Variants in PRELID2 observed in about 807,000 individuals in gnomAD.
The protein encoded by PRELID2 is PRELI domain-containing protein 2.
Under a neutral mutation model 28.4 loss-of-function variants are expected in PRELID2, and 25 were observed. The ratio of observed to expected loss-of-function variants is 0.88; its 90% CI spans 0.64 to 1.23. The LOEUF (loss-of-function observed/expected upper bound fraction) is 1.23. Ranked by LOEUF, PRELID2 falls within the 50% of genes most tolerant of loss-of-function variation. PRELID2 has a pLI of 0.00. For synonymous variants in PRELID2, 76 were observed against 71.6 expected, an observed-to-expected ratio of 1.06 and a Z score of -0.31; for missense variants, 201 against 214.4, an observed-to-expected ratio of 0.94 and a Z score of 0.39.
intron 5 of PRELID2, among the ~76,000 whole-genome samples, chr5:145,783,004 A>G (rs1025387218): frequency 2.6e-5 from 4 of 152,234 alleles, no homozygotes; most frequent in Non-Finnish European, 5.9e-5. Context: ...ACAGGGCCAG[A>G]GCCCAGGTCT....
the PRELID2 span, among the ~76,000 whole-genome samples, chr5:145,355,703 G>C: frequency 6.6e-6 from 1 of 152,080 alleles, no homozygotes; most frequent in Non-Finnish European, 1.5e-5. Flanking sequence ...CATGAGCTTT[G>C]GAGTCTGGCA....
chr5:145,487,372 A>C (rs1752227686), intron 1 of PRELID2, among the ~76,000 whole-genome samples: 1 of 152,176 alleles, frequency 6.6e-6, no homozygotes, highest in Non-Finnish European at 1.5e-5. Flanking sequence ...AAAGTTGTAA[A>C]GGTGGAAACT....
chr5:145,377,325 G>C, the PRELID2 span, among the ~76,000 whole-genome samples: 1 of 152,102 alleles, frequency 6.6e-6, no homozygotes, highest in African/African-American at 2.4e-5. Flanking sequence ...ATCAGTTTTA[G>C]AGTATGTGCA....
intron 1 of PRELID2, among the ~76,000 whole-genome samples, chr5:145,568,703 T>A (rs28715852): frequency 0.086 from 13,073 of 152,286 alleles, 1,446 homozygotes; most frequent in African/African-American, 0.26. Flanking sequence ...GCCTCATAAA[T>A]AATGATGAAA....
the PRELID2 span, among the ~76,000 whole-genome samples, chr5:145,287,488 G>A: frequency 1.3e-5 from 2 of 152,056 alleles, no homozygotes; most frequent in Admixed American, 1.3e-4. Flanking sequence ...ACACTACACA[G>A]AATGATATGC....
At chr5:145,615,774 G>A (rs1753690303) in intron 1 of PRELID2, among the ~76,000 whole-genome samples, 1 of 152,186 alleles carries the variant, frequency 6.6e-6, no homozygotes, top group Admixed American at 6.5e-5. Context: ...GCTATTTGCT[G>A]TCTGTGTACA....
At chr5:145,373,712 A>T in the PRELID2 span, among the ~76,000 whole-genome samples, 2 of 55,952 alleles carry the variant, frequency 3.6e-5, no homozygotes, top group Admixed American at 2.8e-4. Flanking sequence ...CAACATATAT[A>T]ATATATATGA....
the PRELID2 span, among the ~76,000 whole-genome samples, chr5:145,460,894 T>A: frequency 6.6e-6 from 1 of 152,232 alleles, no homozygotes; most frequent in African/African-American, 2.4e-5. Flanking sequence ...AAAGATGTTT[T>A]ATATGAAACT....
chr5:145,287,964 T>C, the PRELID2 span, among the ~76,000 whole-genome samples: 1 of 152,164 alleles, frequency 6.6e-6, no homozygotes, highest in Non-Finnish European at 1.5e-5. Context: ...TGAGATTTCT[T>C]TGAGTTTATG....
At chr5:145,308,279 A>G in the PRELID2 span, among the ~76,000 whole-genome samples, 2 of 152,196 alleles carry the variant, frequency 1.3e-5, no homozygotes, top group Non-Finnish European at 2.9e-5. Flanking sequence ...TAATGCTAAC[A>G]AACGTATTTC....
chr5:145,667,665 T>A (rs1287557460), intron 1 of PRELID2, among the ~76,000 whole-genome samples: 1 of 152,028 alleles, frequency 6.6e-6, no homozygotes, highest in African/African-American at 2.4e-5. Context: ...GTAAGACAGG[T>A]CTAGGATCAA....
chr5:145,661,193 A>G (rs1754486195), intron 1 of PRELID2, among the ~76,000 whole-genome samples: 1 of 152,178 alleles, frequency 6.6e-6, no homozygotes, highest in South Asian at 2.1e-4. Flanking sequence ...ACTCTAGAAT[A>G]GTGATTTCCA....
chr5:145,257,253 A>G, the PRELID2 span, among the ~76,000 whole-genome samples: 1 of 150,284 alleles, frequency 6.7e-6, no homozygotes, highest in Non-Finnish European at 1.5e-5. Flanking sequence ...AGCAGTAACT[A>G]TATAATACAT....
chr5:145,628,788 G>C (rs1299038221), intron 1 of PRELID2, among the ~76,000 whole-genome samples: 1 of 152,130 alleles, frequency 6.6e-6, no homozygotes, highest in Non-Finnish European at 1.5e-5. Flanking sequence ...AGAGAACCAT[G>C]ATATAAATCC....
the PRELID2 span, among the ~76,000 whole-genome samples, chr5:145,459,082 T>C: frequency 2.0e-5 from 3 of 152,312 alleles, no homozygotes; most frequent in Admixed American, 1.3e-4. Context: ...TGTGCTATTA[T>C]GTGATTCCGA....
intron 5 of PRELID2, among the ~76,000 whole-genome samples, chr5:145,768,779 C>T (rs1437142557): frequency 1.3e-5 from 2 of 152,124 alleles, no homozygotes; most frequent in African/African-American, 4.8e-5. Flanking sequence ...AATTGAAAGA[C>T]GTTATTTATT....
At chr5:145,263,427 C>A in the PRELID2 span, among the ~76,000 whole-genome samples, 218 of 151,810 alleles carry the variant, frequency 1.4e-3, 4 homozygotes, top group East Asian at 0.031. Flanking sequence ...ATAGACCATA[C>A]GCTAGGTCAT....
the PRELID2 span, among the ~76,000 whole-genome samples, chr5:145,370,155 T>C: frequency 1.3e-5 from 2 of 152,134 alleles, no homozygotes; most frequent in Non-Finnish European, 2.9e-5. Context: ...TTGGGTTTTG[T>C]TGCAATTGCT....
chr5:145,387,793 A>T, the PRELID2 span, among the ~76,000 whole-genome samples: 1 of 152,024 alleles, frequency 6.6e-6, no homozygotes, highest in Non-Finnish European at 1.5e-5. Flanking sequence ...TTAGCTGGGC[A>T]TGGTGGAGCA....
Sources: gnomAD v4.1 joint callset for allele counts (sites outside exome capture counted in the v4.1 genomes callset) on GRCh38, gnomAD v4.1.1 for gene constraint, MANE v1.5 for transcripts, NCBI Gene and HGNC (gene_info 2026-07-23, HGNC 2026-07-21) for gene names.